Variants in ULK4 observed in about 807,000 individuals in gnomAD.
ULK4 encodes the protein unc-51 like kinase 4.
ULK4 carries 133 observed loss-of-function variants against 160.6 expected under a neutral mutation model. That is an observed-to-expected ratio of 0.83 (90% CI 0.72 to 0.96). The LOEUF is 0.96. Among genes scored for constraint, ULK4 ranks in the 40% least tolerant of loss-of-function variants. ULK4 has a pLI of 0.00. For synonymous variants in ULK4, 534 were observed against 539.8 expected (o/e 0.99, Z 0.15); for missense variants, 1,580 against 1,499.5 (o/e 1.05, Z -0.89).
intron 27 of ULK4, among the ~76,000 whole-genome samples, chr3:41,699,055 G>A (rs2036588154): frequency 6.6e-6 from 1 of 152,086 alleles, no homozygotes; most frequent in African/African-American, 2.4e-5. Flanking sequence ...AATTTGGATG[G>A]TTTCCAGTTT....
At chr3:41,755,938 C>T (rs558985672) in intron 21 of ULK4, among the ~76,000 whole-genome samples, 4 of 152,252 alleles carry the variant, frequency 2.6e-5, no homozygotes, top group African/African-American at 9.6e-5. Context: ...CCACAAACTT[C>T]TCAAATGGGT....
At position 41,615,666 on chromosome 3, in the gene ULK4, T is replaced by C. The variant is rs377493167; in HGVS notation, c.3120+3A>G. On this transcript the variant is annotated splice_donor_region_variant and intron_variant, in intron 31 of 36. Transcript: ENST00000301831. ...AATTTCAAATGCACATTTCCGTTCT[T>C]ACCAGAGTTACTTCAAAAATGAGTG... is the stretch of plus-strand genomic sequence containing the variant. The C allele has an allele frequency of 7.8e-5, 126 of 1,612,970 alleles. No individual in the cohort carries two copies. The highest frequency in any genetic ancestry group is 9.8e-5 in the Non-Finnish European group (116 of 1,179,486).
intron 35 of ULK4, among the ~76,000 whole-genome samples, chr3:41,323,326 G>A (rs2080280823): frequency 6.6e-6 from 1 of 151,158 alleles, no homozygotes; most frequent in African/African-American, 2.4e-5. Context: ...GTGGGGATGG[G>A]GGAATGGGAG....
chr3:41,875,079 C>G (rs1374488485), intron 17 of ULK4, among the ~76,000 whole-genome samples: 2 of 152,094 alleles, frequency 1.3e-5, no homozygotes, highest in African/African-American at 2.4e-5. Context: ...ACTGGGGAGG[C>G]TGAAGTGGGA....
At chr3:41,833,668 TTG>T (rs1297921838) in intron 18 of ULK4, among the ~76,000 whole-genome samples, 8 of 152,134 alleles carry the variant, frequency 5.3e-5, no homozygotes, top group African/African-American at 1.9e-4. Flanking sequence ...TTGTCTACTG[TTG>T]ATGTATAGGA....
At chr3:41,428,042 T>TCTCC (rs2082817391) in intron 34 of ULK4, among the ~76,000 whole-genome samples, 1 of 151,170 alleles carries the variant, frequency 6.6e-6, no homozygotes, top group Admixed American at 6.6e-5. Flanking sequence ...AGCCCAAAAG[T>TCTCC]TTAAGCTGAT....
At chr3:41,773,078 A>T (rs1256940283) in intron 21 of ULK4, among the ~76,000 whole-genome samples, 3 of 152,042 alleles carry the variant, frequency 2.0e-5, no homozygotes, top group South Asian at 4.1e-4. Context: ...TCTCGAAATA[A>T]TAAGAGCTAT....
chr3:41,326,868 C>T (rs1189130534), intron 35 of ULK4, among the ~76,000 whole-genome samples: 1 of 152,192 alleles, frequency 6.6e-6, no homozygotes, highest in East Asian at 1.9e-4. Flanking sequence ...GGACCCCCGA[C>T]TCAGCAGCCA....
chr3:41,948,032 C>G (rs1344753536), intron 2 of ULK4, among the ~76,000 whole-genome samples: 1 of 152,150 alleles, frequency 6.6e-6, no homozygotes, highest in East Asian at 1.9e-4. Flanking sequence ...CCTTCTTTCC[C>G]ACACGTGACC....
In ULK4 at chr3:41,715,269, C is replaced by T. The variant is rs746849997; in HGVS notation, c.2602G>A (p.Glu868Lys). The change falls in exon 25 of 37, where the codon GAA becomes AAA. Residue 868 changes from glutamate (E) to lysine (K), a missense_variant. Physicochemically the swap from Glu to Lys is moderately conservative, Grantham distance 56 (BLOSUM62 1). Coordinates refer to ENST00000301831, the MANE Select transcript of ULK4 (RefSeq NM_017886.4). Reference sequence around the variant, plus strand: ...GTTCCATAGCTGAAAAGAAACTCTTCTGTCACAACTTGAGGTCGAAATACC... The same window carrying T: ...GTTCCATAGCTGAAAAGAAACTCTTTTGTCACAACTTGAGGTCGAAATACC... Reference protein sequence around the residue: ...SQVFRPQVVTEEFLFSYGTIL... With the variant: ...SQVFRPQVVTKEFLFSYGTIL... The T allele has an allele frequency of 6.8e-6, 11 of 1,613,522 alleles. No homozygotes were observed. In the East Asian group the frequency reaches 2.5e-4, roughly 36 times the overall value.
chr3:41,702,523 A>G (rs2036712082), intron 27 of ULK4, among the ~76,000 whole-genome samples: 1 of 152,212 alleles, frequency 6.6e-6, no homozygotes, highest in Non-Finnish European at 1.5e-5. Context: ...TCTGAAGGAA[A>G]AGAATGAAAA....
intron 31 of ULK4, among the ~76,000 whole-genome samples, chr3:41,605,364 C>A (rs531729943): frequency 6.6e-6 from 1 of 151,330 alleles, no homozygotes; most frequent in South Asian, 2.1e-4. Flanking sequence ...TTCAAGAAAA[C>A]AATTTTGAAT....
chr3:41,921,614 CTAAATAAA>C lies in ULK4; in HGVS notation c.542-1804_542-1797del, dbSNP rs144668074. ...TGGACAACAGAGCGAGACTCCGTCT[CTAAATAAA>C]TAAATAAATAAATGTGGAATTAACA... On this transcript the variant is annotated intron_variant, in intron 5 of 36. Coordinates refer to ENST00000301831, the MANE Select transcript of ULK4 (RefSeq NM_017886.4). Among the ~76,000 whole-genome samples the C allele has an allele frequency of 8.5e-3, 1,289 of 151,864 alleles. 14 individuals are homozygous for C. The highest frequency in any genetic ancestry group is 0.03 in the African/African-American group (1,240 of 41,358).
chr3:41,446,017 C>CAA (rs2083288487), intron 34 of ULK4, among the ~76,000 whole-genome samples: 1 of 151,920 alleles, frequency 6.6e-6, no homozygotes, highest in Non-Finnish European at 1.5e-5. Context: ...TGAACTCAAA[C>CAA]AAATTTACAA....
intron 32 of ULK4, among the ~76,000 whole-genome samples, chr3:41,564,738 C>T (rs745472328): frequency 6.6e-6 from 1 of 151,974 alleles, no homozygotes; most frequent in Non-Finnish European, 1.5e-5. Context: ...GGATTACAAG[C>T]GTGAGCCACT....
chr3:41,718,208 C>T (rs750690592), intron 22 of ULK4, among the ~76,000 whole-genome samples: 13 of 152,150 alleles, frequency 8.5e-5, no homozygotes, highest in Admixed American at 2.6e-4. Flanking sequence ...CACAAGTTAA[C>T]TGCATATTTG....
intron 21 of ULK4, among the ~76,000 whole-genome samples, chr3:41,784,482 G>A (rs1405454818): frequency 6.6e-6 from 1 of 151,972 alleles, no homozygotes; most frequent in Admixed American, 6.5e-5. Context: ...GGAAAAAGGT[G>A]GTTTTTTACT....
At chr3:41,809,717 A>G (rs948594693) in intron 19 of ULK4, among the ~76,000 whole-genome samples, 1 of 152,154 alleles carries the variant, frequency 6.6e-6, no homozygotes. Context: ...CTAAATTAAT[A>G]ACCTTTACTT....
At position 41,754,375 on chromosome 3, in the gene ULK4, G is replaced by A. The variant is rs764172038; in HGVS notation, c.2307C>T (p.Leu769=). 1.2e-6 allele frequency: 2 copies of A among 1,609,850 alleles called. No homozygotes were observed. The highest frequency in any genetic ancestry group is 2.7e-5 in the African/African-American group (2 of 74,790). The change falls in exon 22 of 37, where the codon CTC becomes CTT. Residue 769 remains leucine (L), a synonymous_variant. Coordinates refer to ENST00000301831, the MANE Select transcript of ULK4 (RefSeq NM_017886.4). ...ILIYNREMLL[L]SCQARLVMYI... is the part of the protein sequence containing the mutation. Reference sequence around the variant, plus strand: ...GAAAATCTTACCTTGCTTGGCAACTGAGCAGCAACATCTCACGGTTATAAA... The same window carrying A: ...GAAAATCTTACCTTGCTTGGCAACTAAGCAGCAACATCTCACGGTTATAAA...
Sources: gnomAD v4.1 joint callset for allele counts (sites outside exome capture counted in the v4.1 genomes callset) on GRCh38, gnomAD v4.1.1 for gene constraint, MANE v1.5 for transcripts, NCBI Gene and HGNC (gene_info 2026-07-23, HGNC 2026-07-21) for gene names.